The following CCDC150 variants were observed in gnomAD, a reference collection of about 807,000 sequenced individuals.
CCDC150 encodes the protein coiled-coil domain-containing protein 150.
CCDC150 carries 151 observed loss-of-function variants against 156.5 expected under a neutral mutation model. The observed-to-expected ratio is 0.97, with a 90% CI of 0.85 to 1.10. CCDC150 has a LOEUF of 1.10. Among genes scored for constraint, CCDC150 ranks in the 50% least tolerant of loss-of-function variants. The pLI is 0.00. For synonymous variants in CCDC150, 452 were observed against 429.4 expected (o/e 1.05, Z -0.65); for missense variants, 1,312 against 1,268.1 (o/e 1.03, Z -0.53).
intron 13 of CCDC150, among the ~76,000 whole-genome samples, chr2:196,678,757 T>G (rs1694650888): frequency 6.6e-6 from 1 of 151,824 alleles, no homozygotes; most frequent in Admixed American, 6.6e-5. Flanking sequence ...ACAAAAAAAA[T>G]TAACCAGGTG....
chr2:196,669,056 G>C (rs1321752268), intron 7 of CCDC150, among the ~76,000 whole-genome samples: 1 of 152,118 alleles, frequency 6.6e-6, no homozygotes, highest in Non-Finnish European at 1.5e-5. Context: ...TTGGCTACTA[G>C]TATATAATAC....
chr2:196,665,957 C>T (rs1693817695), intron 6 of CCDC150, among the ~76,000 whole-genome samples: 1 of 152,092 alleles, frequency 6.6e-6, no homozygotes, highest in African/African-American at 2.4e-5. Context: ...GAGGTGAACT[C>T]TTAGCTCCTA....
intron 1 of CCDC150, among the ~76,000 whole-genome samples, chr2:196,643,170 T>C (rs979474990): frequency 3.3e-5 from 5 of 152,236 alleles, no homozygotes; most frequent in East Asian, 1.9e-4. Context: ...GACAACACCA[T>C]GTATTTCACT....
intron 2 of CCDC150, 22 bp downstream of exon 2, chr2:196,646,526 T>C (rs1231138012): frequency 6.2e-7 from 1 of 1,601,324 alleles, no homozygotes; most frequent in East Asian, 2.2e-5. Flanking sequence ...GAACTACATC[T>C]CTGTAGGTTG....
chr2:196,713,944 A>G (rs149389202), intron 17 of CCDC150, among the ~76,000 whole-genome samples: 108 of 152,290 alleles, frequency 7.1e-4, no homozygotes, highest in African/African-American at 2.5e-3. Context: ...ATTTCTACCT[A>G]ATCTTAACAT....
chr2:196,720,692 G>T (rs776230468), intron 20 of CCDC150, 24 bp downstream of exon 20: 10 of 1,577,384 alleles, frequency 6.3e-6, no homozygotes, highest in Non-Finnish European at 8.7e-6. Context: ...TTTAAAAAAT[G>T]ATAACATTGA....
intron 17 of CCDC150, chr2:196,713,291 AG>A: frequency 7.1e-7 from 1 of 1,407,352 alleles, no homozygotes; most frequent in Non-Finnish European, 9.3e-7. Flanking sequence ...CTCCTAGTAA[AG>A]GGGCTATTCC....
rs1432681491 is a variant in CCDC150, at chr2:196,720,516, G to A, written c.2166-59G>A. The A allele has an allele frequency of 2.2e-6, 3 of 1,379,682 alleles. No individual in the cohort carries two copies. The East Asian group carries it at 7.0e-5, about 32-fold the overall frequency. 85.5% of individuals were successfully genotyped at this position (1,379,682 alleles called of 1,614,324 possible). On this transcript the variant is annotated intron_variant, in intron 19 of 27. Coordinates refer to ENST00000389175, the MANE Select transcript of CCDC150 (RefSeq NM_001080539.2). ...GAAAAGTGTTCTGTAACTCCCAAAT[G>A]GTATCATTCCTACACGATTCTTTTC...
At chr2:196,673,807 T>C (rs1397722051) in intron 9 of CCDC150, among the ~76,000 whole-genome samples, 1 of 152,206 alleles carries the variant, frequency 6.6e-6, no homozygotes, top group Non-Finnish European at 1.5e-5. Context: ...AAATCATCTA[T>C]ATTTTGCTTT....
At position 196,729,210 on chromosome 2, in the gene CCDC150, T is replaced by G. The variant is rs771879661; in HGVS notation, c.2574T>G (p.Asp858Glu). Residue 858 changes from aspartate to glutamate, a missense_variant, in exon 23 of 28, where the codon GAT becomes GAG. Coordinates refer to ENST00000389175, the MANE Select transcript of CCDC150 (RefSeq NM_001080539.2). ...GTTTTAAGCTGAAGAAAGCCCTTGA[T>G]GAAGCTAACTTCAGATCAGTGGAAG... ...REVAELKKALDEANFRSVEVS... is the reference protein window; with the variant it reads ...REVAELKKALEEANFRSVEVS... 1.9e-6 allele frequency: 3 copies of G among 1,610,366 alleles called. No homozygotes were observed. The African/African-American group carries it at 4.0e-5, about 22-fold the overall frequency.
intron 14 of CCDC150, among the ~76,000 whole-genome samples, chr2:196,697,022 C>T (rs1381228425): frequency 6.6e-6 from 1 of 152,204 alleles, no homozygotes; most frequent in African/African-American, 2.4e-5. Flanking sequence ...CCACAGTATA[C>T]TCTGCACATC....
At chr2:196,707,971 ATG>A (rs1480947075) in intron 15 of CCDC150, among the ~76,000 whole-genome samples, 1 of 152,170 alleles carries the variant, frequency 6.6e-6, no homozygotes, top group African/African-American at 2.4e-5. Flanking sequence ...GCTGAGAAGA[ATG>A]TATATTCTGT....
chr2:196,727,436 C>G (rs1459888064), intron 22 of CCDC150: 1 of 151,996 alleles, frequency 6.6e-6, no homozygotes, highest in African/African-American at 2.4e-5. Flanking sequence ...AAATTATCAA[C>G]CAGACATTAA....
chr2:196,653,577 A>AAAGC (rs1575758185), intron 2 of CCDC150, among the ~76,000 whole-genome samples: 1 of 152,122 alleles, frequency 6.6e-6, no homozygotes, highest in East Asian at 1.9e-4. Flanking sequence ...TATTTCTGTC[A>AAAGC]TCTAAGACCT....
chr2:196,699,304 AAATATT>A (rs1459387611), intron 14 of CCDC150, among the ~76,000 whole-genome samples: 2 of 152,238 alleles, frequency 1.3e-5, no homozygotes, highest in African/African-American at 4.8e-5. Flanking sequence ...TGTATGAAAT[AAATATT>A]AATTCTGACA....
intron 8 of CCDC150, among the ~76,000 whole-genome samples, chr2:196,671,277 C>T (rs1339013990): frequency 1.3e-5 from 2 of 152,062 alleles, no homozygotes; most frequent in Non-Finnish European, 2.9e-5. Context: ...TTTACTGTCT[C>T]CATAGATTTG....
chr2:196,654,345 C>G (rs1693061547), intron 2 of CCDC150, among the ~76,000 whole-genome samples: 1 of 151,298 alleles, frequency 6.6e-6, no homozygotes, highest in African/African-American at 2.4e-5. Context: ...GTTTTCTGTT[C>G]CTTTCACTTT....
chr2:196,700,440 A>G (rs1696131086), intron 14 of CCDC150, among the ~76,000 whole-genome samples: 1 of 152,190 alleles, frequency 6.6e-6, no homozygotes, highest in Non-Finnish European at 1.5e-5. Context: ...TAAAGAAAGT[A>G]CCAATATGGC....
intron 21 of CCDC150, among the ~76,000 whole-genome samples, chr2:196,723,604 T>A (rs1698047456): frequency 6.6e-6 from 1 of 152,156 alleles, no homozygotes; most frequent in Non-Finnish European, 1.5e-5. Flanking sequence ...TGTGTTGCAT[T>A]TCAGGTAGAA....
Sources: gnomAD v4.1 joint callset for allele counts (sites outside exome capture counted in the v4.1 genomes callset) on GRCh38, gnomAD v4.1.1 for gene constraint, MANE v1.5 for transcripts, NCBI Gene and HGNC (gene_info 2026-07-23, HGNC 2026-07-21) for gene names.